Variants in ZNF311 observed in about 807,000 individuals in gnomAD.
ZNF311 encodes zinc finger protein zfp31.
A neutral mutation model predicts 22.7 loss-of-function variants in ZNF311; 14 were observed. The ratio of observed to expected loss-of-function variants is 0.62; its 90% CI spans 0.41 to 0.96. ZNF311 has a LOEUF of 0.96. ZNF311 is among the 40% of genes least tolerant of loss of function. ZNF311 has a pLI of 0.00. For synonymous variants in ZNF311, 250 were observed against 275.3 expected (o/e 0.91, Z 0.91); for missense variants, 731 against 799.0 (o/e 0.91, Z 1.03).
intron 1 of ZNF311, 95 bp downstream of exon 1, chr6:29,004,913 G>A (rs1200800093): frequency 1.3e-5 from 2 of 152,028 alleles, no homozygotes; most frequent in Non-Finnish European, 2.9e-5. Flanking sequence ...TCCTTCAAGT[G>A]TTTTCTTATA....
chr6:28,999,902 T>G, intron 4 of ZNF311, 54 bp downstream of exon 4: 2 of 1,552,592 alleles, frequency 1.3e-6, no homozygotes, highest in Non-Finnish European at 8.8e-7. Flanking sequence ...AACAAGGCCA[T>G]ATTTTGGAGG....
intron 3 of ZNF311, among the ~76,000 whole-genome samples, chr6:29,002,363 T>TA (rs1448375142): frequency 6.6e-6 from 1 of 152,174 alleles, no homozygotes; most frequent in Non-Finnish European, 1.5e-5. Flanking sequence ...TCTAAATCTA[T>TA]AAAAAATTTA....
rs779851192 is a variant in ZNF311, at chr6:28,995,852, C to T, written c.1150G>A (p.Glu384Lys). The T allele has an allele frequency of 3.7e-6, 6 of 1,614,064 alleles. No homozygotes were observed. The highest frequency in any genetic ancestry group is 2.2e-5 in the East Asian group (1 of 44,892). The change falls in exon 7 of 7, where the codon GAG becomes AAG. Residue 384 changes from glutamate to lysine, a missense_variant. Physicochemically the swap from Glu to Lys is moderately conservative, Grantham distance 56 (BLOSUM62 1). Transcript: ENST00000377179. This position sits in a 1 kb window ranked among gnomAD's most constrained non-coding sequence, Gnocchi z 4.7. Reference protein sequence around the residue: ...LTIHGRIHTGEKPYECEECGK... With the variant: ...LTIHGRIHTGKKPYECEECGK... ...CACTCCTCACATTCATATGGCTTCTCCCCAGTGTGGATTCTGCCATGGATG... is the reference window on the plus strand; with the variant it reads ...CACTCCTCACATTCATATGGCTTCTTCCCAGTGTGGATTCTGCCATGGATG...
chr6:29,003,370 G>A (rs905625011), intron 3 of ZNF311, 143 bp downstream of exon 3: 4 of 693,680 alleles, frequency 5.8e-6, no homozygotes, highest in African/African-American at 5.3e-5. Flanking sequence ...TCCAAGCCTC[G>A]TATAGAAACA....
At position 28,994,943 on chromosome 6, in the gene ZNF311, A is replaced by G; in HGVS notation, c.*58T>C. 1 of 1,479,764 alleles carries G rather than the reference A, an allele frequency of 6.8e-7. No homozygotes were observed. The highest frequency in any genetic ancestry group is 8.9e-7 in the Non-Finnish European group (1 of 1,117,542). 91.7% of individuals were successfully genotyped at this position (1,479,764 alleles called of 1,614,324 possible). A position where few individuals can be genotyped will look rare whatever the true frequency, so the allele number is the denominator to read the frequency against. ...AAATCAGGAATAACTAATATAAGAG[A>G]CAGAAGGACCAGCCTAAGAGGTAGG... On this transcript the variant is annotated 3_prime_UTR_variant, in exon 7 of 7. Coordinates refer to ENST00000377179, the MANE Select transcript of ZNF311 (RefSeq NM_001382360.1).
At position 28,998,780 on chromosome 6, in the gene ZNF311, A is replaced by G; in HGVS notation, c.369T>C (p.Cys123=). 6.2e-7 allele frequency: 1 copy of G among 1,613,038 alleles called. No individual in the cohort carries two copies. The highest frequency in any genetic ancestry group is 8.5e-7 in the Non-Finnish European group (1 of 1,180,006). Residue 123 remains cysteine, a synonymous_variant, in exon 6 of 7, where the codon TGT becomes TGC. Coordinates refer to ENST00000377179, the MANE Select transcript of ZNF311 (RefSeq NM_001382360.1). ...ISHLEREVDP[C]VQDPQDRESL... ...ACTCCCTGTCCTGTGGATCCTGCAC[A>G]CAGGGGTCTACTTCTCGCTCCAGAT...
intron 6 of ZNF311, 100 bp downstream of exon 6, chr6:28,998,634 T>A: frequency 1.3e-6 from 1 of 783,120 alleles, no homozygotes; most frequent in Non-Finnish European, 2.0e-6. Flanking sequence ...TGGGTTTCCT[T>A]TCTGGGCCCT....
intron 3 of ZNF311, among the ~76,000 whole-genome samples, chr6:29,003,224 A>C (rs1780696750): frequency 6.6e-6 from 1 of 152,206 alleles, no homozygotes; most frequent in African/African-American, 2.4e-5. Context: ...CATATATCTC[A>C]GGTTATACAA....
chr6:28,996,356 T>G lies in ZNF311; in HGVS notation c.646A>C (p.Lys216Gln). 1 of 1,612,368 alleles carries G rather than the reference T, an allele frequency of 6.2e-7. No homozygotes were observed. The highest frequency in any genetic ancestry group is 8.5e-7 in the Non-Finnish European group (1 of 1,180,010). The change falls in exon 7 of 7, where the codon AAA becomes CAA. Residue 216 changes from lysine to glutamine, a missense_variant. Lys to Gln is a moderately conservative substitution (Grantham distance 53, BLOSUM62 1). Coordinates refer to ENST00000377179, the MANE Select transcript of ZNF311 (RefSeq NM_001382360.1). ...EKEGSEEVTC[K>Q]KGKNQKVLSK... ...AGCACTTTCTGGTTCTTTCCTTTTT[T>G]GCAGGTCACTTCCTCAGAGCCTTCT...
chr6:28,998,925 G>T, intron 5 of ZNF311, 87 bp from the exon 6 acceptor site: 2 of 842,976 alleles, frequency 2.4e-6, no homozygotes, highest in Non-Finnish European at 1.8e-6. Flanking sequence ...CCTTCTGTTT[G>T]TATATGAAAA....
Position 29,004,034 on chromosome 6 carries a change from G to C in ZNF311, c.-80C>G. ...CTGGTCAGATCCAGTTCTCAAACAA[G>C]CTGTGAAGTGGCTCCAGTTGATGCC... On this transcript the variant is annotated 5_prime_UTR_variant, in exon 2 of 7. Transcript: ENST00000377179. The C allele has an allele frequency of 1.2e-6, 2 of 1,612,686 alleles. No homozygotes were observed. Among genetic ancestry groups the C allele is most frequent in the Non-Finnish European group, 1.7e-6 (2 of 1,179,820 alleles).
rs573760579 is a variant in ZNF311, at chr6:29,004,026, TCAAA to T, written c.-76_-73del. The T allele has an allele frequency of 1.7e-3, 2,672 of 1,612,920 alleles. 6 individuals carry two copies. The highest frequency in any genetic ancestry group is 1.7e-3 in the Non-Finnish European group (2,011 of 1,179,922). ...TCTTCCTACTGGTCAGATCCAGTTC[TCAAA>T]CAAGCTGTGAAGTGGCTCCAGTTGA... is the stretch of plus-strand genomic sequence containing the variant. On this transcript the variant is annotated 5_prime_UTR_variant, in exon 2 of 7. An upstream open reading frame in the 5' UTR loses its in-frame stop. Transcript: ENST00000377179.
In ZNF311 at chr6:28,995,886, A is replaced by G. The variant is rs777113916; in HGVS notation, c.1116T>C (p.His372=). The G allele has an allele frequency of 3.1e-6, 5 of 1,613,860 alleles. No homozygotes were observed. The highest frequency in any genetic ancestry group is 2.2e-5 in the East Asian group (1 of 44,882). The change falls in exon 7 of 7, where the codon CAT becomes CAC. Residue 372 remains histidine (H), a synonymous_variant. Coordinates refer to ENST00000377179, the MANE Select transcript of ZNF311 (RefSeq NM_001382360.1). This position sits in a 1 kb window ranked among gnomAD's most constrained non-coding sequence, Gnocchi z 4.7. ...NCCGKAFQFK[H]SLTIHGRIHT... is the part of the protein sequence containing the mutation. ...GGATTCTGCCATGGATGGTAAGGGA[A>G]TGCTTAAACTGGAAGGCCTTCCCAC... is the stretch of plus-strand genomic sequence containing the variant.
At chr6:29,001,537 T>C (rs1262977468) in intron 3 of ZNF311, among the ~76,000 whole-genome samples, 1 of 152,192 alleles carries the variant, frequency 6.6e-6, no homozygotes, top group African/African-American at 2.4e-5. Flanking sequence ...GGCACACAAC[T>C]CACAGCAGAC....
Position 28,995,308 on chromosome 6 carries a change from T to G in ZNF311, c.1694A>C (p.His565Pro). The part of the protein sequence containing the change: ...HKCEVCGMAF[H>P]HSSVLRQHKR... ...GTGCTGCCTCAGGACTGAACTATGA[T>G]GGAAGGCCATTCCACATACCTCACA... Residue 565 changes from histidine to proline, a missense_variant, in exon 7 of 7, where the codon CAT (histidine) becomes CCT (proline). By Grantham distance (77) the His-to-Pro change is moderately conservative. Coordinates refer to ENST00000377179, the MANE Select transcript of ZNF311 (RefSeq NM_001382360.1). This position sits in a 1 kb window ranked among gnomAD's most constrained non-coding sequence, Gnocchi z 4.7. 6.2e-7 allele frequency: 1 copy of G among 1,613,992 alleles called. No individual in the cohort carries two copies. Among genetic ancestry groups the G allele is most frequent in the Non-Finnish European group, 8.5e-7 (1 of 1,180,038 alleles).
intron 2 of ZNF311, 114 bp from the exon 3 acceptor site, chr6:29,003,708 A>C: frequency 7.0e-7 from 1 of 1,436,282 alleles, no homozygotes; most frequent in Non-Finnish European, 9.7e-7. Flanking sequence ...AGAAATACCA[A>C]AAGAAGGGAG....
At chr6:28,997,000 A>G (rs1190277619) in intron 6 of ZNF311, among the ~76,000 whole-genome samples, 1 of 152,154 alleles carries the variant, frequency 6.6e-6, no homozygotes, top group Non-Finnish European at 1.5e-5. Context: ...TTTGCTCCCA[A>G]GGGTGGGCCC....
intron 6 of ZNF311, among the ~76,000 whole-genome samples, chr6:28,997,818 C>T (rs1228648577): frequency 6.6e-6 from 1 of 152,146 alleles, no homozygotes; most frequent in Non-Finnish European, 1.5e-5. Flanking sequence ...TCTCCTTTGC[C>T]TCAGTTGCTT....
At chr6:28,997,215 C>T (rs1437157548) in intron 6 of ZNF311, among the ~76,000 whole-genome samples, 1 of 152,060 alleles carries the variant, frequency 6.6e-6, no homozygotes, top group African/African-American at 2.4e-5. Context: ...GTATTTGGTA[C>T]AGAGGAGGGA....
Sources: gnomAD v4.1 joint callset for allele counts (sites outside exome capture counted in the v4.1 genomes callset) on GRCh38, gnomAD v4.1.1 for gene constraint, Gnocchi (gnomAD v3.1) non-coding constraint, MANE v1.5 for transcripts, NCBI Gene and HGNC (gene_info 2026-07-23, HGNC 2026-07-21) for gene names.